The following PCDHGA12 variants were observed in gnomAD, a reference collection of about 807,000 sequenced individuals.
The protein encoded by PCDHGA12 is protocadherin gamma-A12.
In PCDHGA12, 43 loss-of-function variants were observed where a neutral mutation model predicts 61.1. That is an observed-to-expected ratio of 0.70 (90% CI 0.55 to 0.91). The LOEUF (loss-of-function observed/expected upper bound fraction) is 0.91, where lower values mean the gene tolerates loss of function less well. Ranked by LOEUF, PCDHGA12 falls within the 40% of genes least tolerant of loss-of-function variation. The pLI is 0.00. For synonymous variants in PCDHGA12, 520 were observed against 542.9 expected (o/e 0.96, Z 0.59); for missense variants, 1,236 against 1,227.7 (o/e 1.01, Z -0.10).
intron 1 of PCDHGA12, among the ~76,000 whole-genome samples, chr5:141,457,465 A>G (rs915755113): frequency 1.3e-5 from 2 of 152,194 alleles, no homozygotes; most frequent in African/African-American, 2.4e-5. Context: ...GATTCACAGG[A>G]ATAAGCAGGG....
chr5:141,455,400 C>G (rs537466326), intron 1 of PCDHGA12, among the ~76,000 whole-genome samples: 8 of 152,274 alleles, frequency 5.3e-5, no homozygotes, highest in Admixed American at 5.2e-4. Context: ...CTCCCCCTTA[C>G]AGAGACAGAG....
chr5:141,498,294 G>A (rs2099782964), intron 2 of PCDHGA12, among the ~76,000 whole-genome samples: 1 of 151,910 alleles, frequency 6.6e-6, no homozygotes, highest in African/African-American at 2.4e-5. Flanking sequence ...GATCAAGCCA[G>A]CTCTGGGTCA....
chr5:141,491,496 C>T lies in PCDHGA12; in HGVS notation c.2425-3311C>T, dbSNP rs372523924. ...AGTCCAGCCCCAACCTGCAGGTGAG[C>T]TCGGACGGCACGCTCAAGTACATGG... On this transcript the variant is annotated intron_variant, in intron 1 of 3. Transcript: ENST00000252085. This position sits in a 1 kb window ranked among gnomAD's most constrained non-coding sequence, Gnocchi z 6.9. 2.9e-5 allele frequency: 47 copies of T among 1,614,004 alleles called. No individual in the cohort carries two copies. Among genetic ancestry groups the T allele is most frequent in the Non-Finnish European group, 3.7e-5 (44 of 1,180,026 alleles).
chr5:141,509,513 T>C (rs2099877131), intron 3 of PCDHGA12, among the ~76,000 whole-genome samples: 2 of 152,068 alleles, frequency 1.3e-5, no homozygotes, highest in Non-Finnish European at 2.9e-5. Flanking sequence ...ACGGTGTTGA[T>C]GATGTATTGC....
At chr5:141,441,730 A>ATGGT in intron 1 of PCDHGA12, 1 of 362,748 alleles carries the variant, frequency 2.8e-6, no homozygotes, top group South Asian at 2.2e-5. Flanking sequence ...CGCGACCAGG[A>ATGGT]CTAGCTCGCG....
chr5:141,477,066 T>C lies in PCDHGA12; in HGVS notation c.2425-17741T>C. ...CGGCTGGACTTCGAGGACACCAAAC[T>C]CCATGAGATTTACATCCAGGCCAAA... On this transcript the variant is annotated intron_variant, in intron 1 of 3. Coordinates refer to ENST00000252085, the MANE Select transcript of PCDHGA12 (RefSeq NM_003735.3). This position sits in a 1 kb window ranked among gnomAD's most constrained non-coding sequence, Gnocchi z 4.9. 6.2e-7 allele frequency: 1 copy of C among 1,614,148 alleles called. No homozygotes were observed. The highest frequency in any genetic ancestry group is 8.5e-7 in the Non-Finnish European group (1 of 1,180,028).
chr5:141,436,048 T>G (rs553708148), intron 1 of PCDHGA12, among the ~76,000 whole-genome samples: 1 of 152,316 alleles, frequency 6.6e-6, no homozygotes, highest in South Asian at 2.1e-4. Context: ...TACATTAGTT[T>G]TCAAATAGAA....
intron 1 of PCDHGA12, among the ~76,000 whole-genome samples, chr5:141,450,951 A>G (rs1018018318): frequency 1.3e-5 from 2 of 151,732 alleles, no homozygotes; most frequent in Non-Finnish European, 2.9e-5. Context: ...CAGCCTCCCA[A>G]GTAGCTGGGA....
chr5:141,489,288 G>A lies in PCDHGA12; in HGVS notation c.2425-5519G>A. 6.3e-7 allele frequency: 1 copy of A among 1,575,870 alleles called. No homozygotes were observed. Among genetic ancestry groups the A allele is most frequent in the Non-Finnish European group, 8.6e-7 (1 of 1,161,152 alleles). On this transcript the variant is annotated intron_variant, in intron 1 of 3. Coordinates refer to ENST00000252085, the MANE Select transcript of PCDHGA12 (RefSeq NM_003735.3). The surrounding 1 kb of genome is among the most constrained non-coding windows in gnomAD (Gnocchi z 4.5). ...AGCTCGCTGGGAAATGGCAAGTGCT[G>A]TGCATGTTGTCCTTGTGCTGCTGGG...
intron 1 of PCDHGA12, among the ~76,000 whole-genome samples, chr5:141,447,805 G>A (rs1389870133): frequency 2.0e-5 from 3 of 152,064 alleles, no homozygotes; most frequent in Admixed American, 2.0e-4. Context: ...AATAAAATTG[G>A]CTGGGCGTGG....
intron 1 of PCDHGA12, among the ~76,000 whole-genome samples, chr5:141,481,095 C>T (rs1456056389): frequency 1.3e-5 from 2 of 152,120 alleles, no homozygotes; most frequent in African/African-American, 2.4e-5. Context: ...AAAAGCAGTA[C>T]TCTGGAACCT....
At chr5:141,500,182 A>ATTT (rs1199992745) in intron 2 of PCDHGA12, among the ~76,000 whole-genome samples, 1 of 131,622 alleles carries the variant, frequency 7.6e-6, no homozygotes, top group African/African-American at 3.1e-5. Context: ...CTTCATTTTT[A>ATTT]TTTTTATTTA....
In PCDHGA12 at chr5:141,476,962, C is replaced by A. The variant is rs2099402286; in HGVS notation, c.2425-17845C>A. On this transcript the variant is annotated intron_variant, in intron 1 of 3. Coordinates refer to ENST00000252085, the MANE Select transcript of PCDHGA12 (RefSeq NM_003735.3). This position sits in a 1 kb window ranked among gnomAD's most constrained non-coding sequence, Gnocchi z 7.6. ...GCCCCAACGGTGAAATTATTTACTCCTTCGGCAGCCACAACCGCGCCGGCG... is the reference window on the plus strand; with the variant it reads ...GCCCCAACGGTGAAATTATTTACTCATTCGGCAGCCACAACCGCGCCGGCG... 2 of 1,614,200 alleles carry A rather than the reference C, an allele frequency of 1.2e-6. No individual in the cohort carries two copies. The highest frequency in any genetic ancestry group is 1.7e-6 in the Non-Finnish European group (2 of 1,180,042).
chr5:141,509,577 C>G (rs569743928), intron 3 of PCDHGA12, among the ~76,000 whole-genome samples: 2 of 152,320 alleles, frequency 1.3e-5, no homozygotes, highest in African/African-American at 2.4e-5. Context: ...ACAGTGCGTA[C>G]AAATCAGCTG....
At chr5:141,443,050 T>C (rs1290373918) in intron 1 of PCDHGA12, among the ~76,000 whole-genome samples, 1 of 152,236 alleles carries the variant, frequency 6.6e-6, no homozygotes, top group Non-Finnish European at 1.5e-5. Flanking sequence ...AAAATTATTG[T>C]TCCACTGAAG....
chr5:141,434,981 T>C (rs2097734526), intron 1 of PCDHGA12, among the ~76,000 whole-genome samples: 1 of 152,054 alleles, frequency 6.6e-6, no homozygotes. Flanking sequence ...GTTAATACTC[T>C]ATATCATTTT....
chr5:141,487,499 G>A lies in PCDHGA12; in HGVS notation c.2425-7308G>A, dbSNP rs2099647158. On this transcript the variant is annotated intron_variant, in intron 1 of 3. Transcript: ENST00000252085. This position sits in a 1 kb window ranked among gnomAD's most constrained non-coding sequence, Gnocchi z 5.0. ...CCACTCTCATGGCTGTACACCCTTGGCTTCTGCACCCACTCGGAGTGATAG... is the reference window on the plus strand; with the variant it reads ...CCACTCTCATGGCTGTACACCCTTGACTTCTGCACCCACTCGGAGTGATAG... The A allele has an allele frequency of 3.1e-6, 5 of 1,614,152 alleles. No homozygotes were observed. The highest frequency in any genetic ancestry group is 2.2e-5 in the East Asian group (1 of 44,852).
At chr5:141,452,673 G>A (rs2098746812) in intron 1 of PCDHGA12, among the ~76,000 whole-genome samples, 1 of 151,896 alleles carries the variant, frequency 6.6e-6, no homozygotes, top group Non-Finnish European at 1.5e-5. Flanking sequence ...CTCCAGCCTA[G>A]GCCACAGAAT....
At chr5:141,502,231 G>A (rs2099813372) in intron 2 of PCDHGA12, among the ~76,000 whole-genome samples, 1 of 152,172 alleles carries the variant, frequency 6.6e-6, no homozygotes, top group Non-Finnish European at 1.5e-5. Context: ...TGTTCTGTGT[G>A]TTCTTTTATC....
Sources: allele counts gnomAD v4.1 joint callset (sites outside exome capture counted in the v4.1 genomes callset), GRCh38; gene constraint gnomAD v4.1.1; non-coding constraint Gnocchi (gnomAD v3.1); transcripts MANE v1.5; gene names NCBI Gene and HGNC (gene_info 2026-07-23, HGNC 2026-07-21).